The following RCAN2 variants were observed in gnomAD, a reference collection of about 807,000 sequenced individuals.
RCAN2 encodes calcipressin-2.
A neutral mutation model predicts 23.6 loss-of-function variants in RCAN2; 9 were observed. That is an observed-to-expected ratio of 0.38 (90% CI 0.23 to 0.67). The LOEUF (loss-of-function observed/expected upper bound fraction) is 0.67. Among genes scored for constraint, RCAN2 ranks in the 30% least tolerant of loss-of-function variants. The pLI, the probability that RCAN2 is intolerant of heterozygous loss-of-function variation, is 0.51. For synonymous variants in RCAN2, 109 were observed against 115.7 expected (o/e 0.94, Z 0.37); for missense variants, 273 against 302.3 (o/e 0.90, Z 0.72).
intron 4 of RCAN2, among the ~76,000 whole-genome samples, chr6:46,241,479 G>C (rs1766302883): frequency 6.6e-6 from 1 of 152,124 alleles, no homozygotes; most frequent in South Asian, 2.1e-4. Flanking sequence ...ACGTCCTGCT[G>C]GACACAAGAA....
At chr6:46,396,586 T>C (rs1281727918) in intron 2 of RCAN2, among the ~76,000 whole-genome samples, 3 of 152,182 alleles carry the variant, frequency 2.0e-5, no homozygotes, top group African/African-American at 7.2e-5. Context: ...GATTCAGCTG[T>C]GCCCACTGGC....
intron 2 of RCAN2, among the ~76,000 whole-genome samples, chr6:46,403,364 G>A (rs1766313736): frequency 6.6e-6 from 1 of 152,066 alleles, no homozygotes; most frequent in South Asian, 2.1e-4. Flanking sequence ...CCTGAGGTCA[G>A]GAGTTCAAGA....
chr6:46,414,252 C>A (rs1409734940), intron 2 of RCAN2, among the ~76,000 whole-genome samples: 1 of 152,126 alleles, frequency 6.6e-6, no homozygotes, highest in Non-Finnish European at 1.5e-5. Context: ...AAATGAGGAA[C>A]AATAGCTGCC....
At chr6:46,435,456 A>G (rs890450810) in intron 2 of RCAN2, among the ~76,000 whole-genome samples, 5 of 152,176 alleles carry the variant, frequency 3.3e-5, no homozygotes, top group Admixed American at 3.3e-4. Flanking sequence ...TATTTTAAAA[A>G]CCATATTCAG....
At chr6:46,363,540 A>G (rs1368233987) in intron 2 of RCAN2, among the ~76,000 whole-genome samples, 1 of 152,200 alleles carries the variant, frequency 6.6e-6, no homozygotes, top group Non-Finnish European at 1.5e-5. Flanking sequence ...AGACATGAAT[A>G]GGAATTTAGC....
chr6:46,281,399 T>C (rs1255464629), intron 2 of RCAN2, among the ~76,000 whole-genome samples: 1 of 152,224 alleles, frequency 6.6e-6, no homozygotes, highest in Admixed American at 6.5e-5. Context: ...ATGAATGTTT[T>C]AAACAAGTTT....
At chr6:46,413,281 G>T (rs542730756) in intron 2 of RCAN2, among the ~76,000 whole-genome samples, 4 of 152,322 alleles carry the variant, frequency 2.6e-5, no homozygotes, top group Admixed American at 2.6e-4. Context: ...AAGAGCAGAA[G>T]TGTGCATCTT....
At chr6:46,275,598 TA>T (rs1767670053) in intron 2 of RCAN2, among the ~76,000 whole-genome samples, 1 of 152,212 alleles carries the variant, frequency 6.6e-6, no homozygotes, top group African/African-American at 2.4e-5. Context: ...AAGCATCACC[TA>T]GTTTTTTATT....
chr6:46,378,440 A>T (rs528738260), intron 2 of RCAN2, among the ~76,000 whole-genome samples: 1 of 152,256 alleles, frequency 6.6e-6, no homozygotes, highest in South Asian at 2.1e-4. Flanking sequence ...TGAGCTTGAG[A>T]TCTGGTCTTC....
intron 2 of RCAN2, among the ~76,000 whole-genome samples, chr6:46,359,616 A>G (rs1263323233): frequency 6.6e-6 from 1 of 152,230 alleles, no homozygotes; most frequent in African/African-American, 2.4e-5. Flanking sequence ...CTATATATTT[A>G]GATACATTCA....
At chr6:46,481,750 C>A (rs897168044) in intron 1 of RCAN2, among the ~76,000 whole-genome samples, 3 of 141,582 alleles carry the variant, frequency 2.1e-5, no homozygotes, top group African/African-American at 7.9e-5. Flanking sequence ...TAATAAGTAG[C>A]CATAAAAAGT....
At chr6:46,377,384 C>T (rs752810400) in intron 2 of RCAN2, among the ~76,000 whole-genome samples, 1 of 152,204 alleles carries the variant, frequency 6.6e-6, no homozygotes, top group Non-Finnish European at 1.5e-5. Context: ...AGGGAAATTT[C>T]CATGGCACTT....
intron 4 of RCAN2, among the ~76,000 whole-genome samples, chr6:46,234,721 C>A (rs966102583): frequency 6.6e-6 from 1 of 152,232 alleles, no homozygotes; most frequent in South Asian, 2.1e-4. Context: ...AAATGAAAAA[C>A]CTTTTAGCAC....
Position 46,456,436 on chromosome 6 carries a change from G to A in RCAN2, c.225+316C>T, listed in dbSNP as rs147426417. 2.1e-3 allele frequency among the ~76,000 whole-genome samples: 323 copies of A among 152,278 alleles called. 2 individuals are homozygous for A. The highest frequency in any genetic ancestry group is 7.3e-3 in the African/African-American group (304 of 41,558). ...ATAGAGGAAAAGGAAACTTTTAGGA[G>A]TTTAAGACATCTGCTTCCTAGCCTA... On this transcript the variant is annotated intron_variant, in intron 2 of 4. Coordinates refer to ENST00000371374, the MANE Select transcript of RCAN2 (RefSeq NM_001251974.2).
chr6:46,424,866 A>G (rs1041190117), intron 2 of RCAN2, among the ~76,000 whole-genome samples: 1 of 152,212 alleles, frequency 6.6e-6, no homozygotes, highest in Non-Finnish European at 1.5e-5. Flanking sequence ...AATGCTTTCA[A>G]ATTTAAACAA....
intron 2 of RCAN2, among the ~76,000 whole-genome samples, chr6:46,384,242 G>A (rs1159394662): frequency 6.6e-6 from 1 of 152,166 alleles, no homozygotes; most frequent in Non-Finnish European, 1.5e-5. Context: ...TGACTTCTCA[G>A]CTCTTCTAGC....
intron 1 of RCAN2, among the ~76,000 whole-genome samples, chr6:46,484,304 C>T (rs1768939733): frequency 6.6e-6 from 1 of 151,962 alleles, no homozygotes; most frequent in African/African-American, 2.4e-5. Flanking sequence ...GAAAAATGAC[C>T]ACTTAAGTGA....
chr6:46,425,062 T>G (rs1766996853), intron 2 of RCAN2, among the ~76,000 whole-genome samples: 1 of 152,180 alleles, frequency 6.6e-6, no homozygotes, highest in Admixed American at 6.5e-5. Flanking sequence ...TGTGGTCCCC[T>G]TTCTTCAACA....
At chr6:46,405,864 G>T (rs902999878) in intron 2 of RCAN2, among the ~76,000 whole-genome samples, 1 of 152,206 alleles carries the variant, frequency 6.6e-6, no homozygotes, top group Non-Finnish European at 1.5e-5. Context: ...CCATGGAGTG[G>T]GTGGGAGGCT....
Sources: allele counts gnomAD v4.1 joint callset (sites outside exome capture counted in the v4.1 genomes callset), GRCh38; gene constraint gnomAD v4.1.1; transcripts MANE v1.5; gene names NCBI Gene and HGNC (gene_info 2026-07-23, HGNC 2026-07-21).